ANKRD11: variants seen among roughly 807,000 people sequenced by gnomAD.
ANKRD11 encodes the protein ankyrin repeat domain 11.
Under a neutral mutation model 195.7 loss-of-function variants are expected in ANKRD11, and 17 were observed. The observed-to-expected ratio is 0.09, with a 90% CI of 0.06 to 0.13. The LOEUF is 0.13. Ranked by LOEUF, ANKRD11 falls within the 10% of genes least tolerant of loss-of-function variation. The pLI, the probability that ANKRD11 is intolerant of heterozygous loss-of-function variation, is 1.00. For synonymous variants in ANKRD11, 1,953 were observed against 1,528.1 expected, an observed-to-expected ratio of 1.28 and a Z score of -6.49; for missense variants, 3,735 against 3,566.1, an observed-to-expected ratio of 1.05 and a Z score of -1.21.
At chr16:89,372,862 C>G (rs744327) in intron 2 of ANKRD11, 4 of 151,962 alleles carry the variant, frequency 2.6e-5, no homozygotes, top group African/African-American at 9.7e-5. Context: ...CCTGCACCAC[C>G]CGTTCATCAG....
intron 2 of ANKRD11, among the ~76,000 whole-genome samples, chr16:89,407,631 A>C (rs1005898617): frequency 6.6e-6 from 1 of 152,204 alleles, no homozygotes; most frequent in African/African-American, 2.4e-5. Flanking sequence ...GACCAGCCTG[A>C]GTAACACGGC....
chr16:89,325,449 C>CCTCTCTCTCT (rs10641419), intron 2 of ANKRD11, among the ~76,000 whole-genome samples: 1 of 139,530 alleles, frequency 7.2e-6, no homozygotes, highest in African/African-American at 2.7e-5. Flanking sequence ...TCTCCCCTCT[C>CCTCTCTCTCT]CTCTCTCTCT....
At chr16:89,302,009 A>AC (rs1375809156) in intron 4 of ANKRD11, among the ~76,000 whole-genome samples, 2 of 152,114 alleles carry the variant, frequency 1.3e-5, no homozygotes, top group Non-Finnish European at 2.9e-5. Flanking sequence ...GGGCACCCAC[A>AC]CCCCTCCAGA....
intron 2 of ANKRD11, among the ~76,000 whole-genome samples, chr16:89,345,937 G>A (rs1182568483): frequency 2.0e-5 from 3 of 152,140 alleles, no homozygotes; most frequent in South Asian, 2.1e-4. Flanking sequence ...AAGCCTCTGA[G>A]TAAAGAACAA....
chr16:89,405,117 C>T (rs886454224), intron 2 of ANKRD11, among the ~76,000 whole-genome samples: 1 of 152,086 alleles, frequency 6.6e-6, no homozygotes, highest in Non-Finnish European at 1.5e-5. Flanking sequence ...CCTGGTGTCA[C>T]GGTGGAGGCG....
chr16:89,387,056 G>C (rs1246270339), intron 2 of ANKRD11, among the ~76,000 whole-genome samples: 2 of 152,110 alleles, frequency 1.3e-5, no homozygotes, highest in African/African-American at 4.8e-5. Flanking sequence ...AGACCTCCTG[G>C]AAGGTGCAGG....
intron 2 of ANKRD11, among the ~76,000 whole-genome samples, chr16:89,352,417 T>G (rs1427498661): frequency 6.6e-6 from 1 of 151,000 alleles, no homozygotes; most frequent in Admixed American, 6.6e-5. Context: ...GACGCCCTCC[T>G]GCTCTCAGGT....
In ANKRD11 at chr16:89,317,061, TTCA is replaced by T; in HGVS notation, c.-45_-43del. On this transcript the variant is annotated 5_prime_UTR_variant, in exon 3 of 13. The change abolishes an upstream ATG in the 5' untranslated region. Transcript: ENST00000301030. Reference sequence around the variant, plus strand: ...CGATCTTCATTTACACGGCCGGCGCTTCATCATCAACCGTCTGCTTCAAAAGAG... The same window carrying T: ...CGATCTTCATTTACACGGCCGGCGCTTCATCAACCGTCTGCTTCAAAAGAG... 2 of 1,587,604 alleles carry T rather than the reference TTCA, an allele frequency of 1.3e-6. No individual in the cohort carries two copies. The highest frequency in any genetic ancestry group is 1.7e-6 in the Non-Finnish European group (2 of 1,164,182).
intron 1 of ANKRD11, chr16:89,489,210 TACACACACAC>T (rs544631754): frequency 7.7e-6 from 1 of 129,192 alleles, no homozygotes; most frequent in African/African-American, 2.7e-5. Context: ...GGGCCAACCC[TACACACACAC>T]ACACACGCGC....
intron 2 of ANKRD11, among the ~76,000 whole-genome samples, chr16:89,375,516 G>A (rs1414461009): frequency 1.3e-5 from 2 of 151,828 alleles, no homozygotes; most frequent in African/African-American, 4.8e-5. Flanking sequence ...CTGGAGTGCA[G>A]TGGCACGATC....
chr16:89,374,199 T>C (rs561358691), intron 2 of ANKRD11, among the ~76,000 whole-genome samples: 1 of 152,238 alleles, frequency 6.6e-6, no homozygotes, highest in Non-Finnish European at 1.5e-5. Flanking sequence ...AAAACATTAA[T>C]ATCAGACTTC....
In ANKRD11 at chr16:89,286,779, G is replaced by A. The variant is rs75029092; in HGVS notation, c.745-593C>T. On this transcript the variant is annotated intron_variant, in intron 7 of 12. Transcript: ENST00000301030. ...TGACAGAGACAACCATGGTGACACA[G>A]CTCTTTTCAGCTGTTCATCACCAGC... 1.8e-3 allele frequency: 2,356 copies of A among 1,287,226 alleles called. 109 individuals are homozygous for A. In the East Asian group the frequency reaches 0.1, roughly 55 times the overall value. The allele number at this position is 1,287,226 out of a possible 1,614,324, so 79.7% of individuals were successfully genotyped here. A position where few individuals can be genotyped will look rare whatever the true frequency, so the allele number is the denominator to read the frequency against.
rs984807580 is a variant in ANKRD11 at position 89,398,471 on chromosome 16, C to T, written c.-60+19813G>A. ...AGCTGAAGATTACCTGTAACCTCAG[C>T]ACTCTGGAAGGCTGACATGAGGACT... On this transcript the variant is annotated intron_variant, in intron 2 of 12. Transcript: ENST00000301030. 1.2e-4 allele frequency among the ~76,000 whole-genome samples: 17 copies of T among 147,644 alleles called. 1 individual carries two copies. Among genetic ancestry groups the T allele is most frequent in the Non-Finnish European group, 2.9e-5 (2 of 67,982 alleles).
intron 1 of ANKRD11, among the ~76,000 whole-genome samples, chr16:89,436,725 G>A (rs1024710137): frequency 1.5e-4 from 23 of 152,106 alleles, no homozygotes; most frequent in African/African-American, 5.5e-4. Context: ...GAGGACACGC[G>A]AAAAACCAAA....
intron 1 of ANKRD11, among the ~76,000 whole-genome samples, chr16:89,449,196 A>AG (rs1201575265): frequency 2.0e-5 from 3 of 151,760 alleles, no homozygotes; most frequent in Non-Finnish European, 2.9e-5. Context: ...ACAAAAAAAA[A>AG]AAAAAAAAGA....
At chr16:89,305,043 G>T in intron 4 of ANKRD11, 163 bp downstream of exon 4, 1 of 1,093,886 alleles carries the variant, frequency 9.1e-7, no homozygotes, top group Non-Finnish European at 1.3e-6. Context: ...GTGGCATGTG[G>T]GGGCCTGTGC....
chr16:89,306,567 C>A (rs1169208896), intron 3 of ANKRD11, among the ~76,000 whole-genome samples: 7 of 116,336 alleles, frequency 6.0e-5, no homozygotes, highest in African/African-American at 2.4e-4. Context: ...TCCGCAGACA[C>A]GCGCCACCTC....
intron 2 of ANKRD11, chr16:89,370,876 C>T (rs2040163165): frequency 6.6e-6 from 1 of 152,410 alleles, no homozygotes; most frequent in South Asian, 2.1e-4. Context: ...GCCAAGCCTC[C>T]ATTCACCCCA....
chr16:89,441,786 A>AC (rs2043512402), intron 1 of ANKRD11, among the ~76,000 whole-genome samples: 1 of 149,060 alleles, frequency 6.7e-6, no homozygotes, highest in Non-Finnish European at 1.5e-5. Flanking sequence ...AAAAAAAAAA[A>AC]AAAAAAACGC....
Sources: allele counts gnomAD v4.1 joint callset (sites outside exome capture counted in the v4.1 genomes callset), GRCh38; gene constraint gnomAD v4.1.1; transcripts MANE v1.5; gene names NCBI Gene and HGNC (gene_info 2026-07-23, HGNC 2026-07-21).